Variants in BRMS1L observed in about 807,000 individuals in gnomAD.
BRMS1L encodes the protein BRMS1 like transcriptional repressor, also known as breast cancer metastasis-suppressor 1-like protein.
A neutral mutation model predicts 50.3 loss-of-function variants in BRMS1L; 23 were observed. That is an observed-to-expected ratio of 0.46 (90% CI 0.33 to 0.65). BRMS1L has a LOEUF of 0.65. BRMS1L is among the 30% of genes least tolerant of loss of function. The pLI, the probability that BRMS1L is intolerant of heterozygous loss-of-function variation, is 0.02. For missense variants in BRMS1L, 286 were observed against 386.1 expected (o/e 0.74, Z 2.17); for synonymous variants, 114 against 126.9 (o/e 0.90, Z 0.69).
chr14:35,853,017 TATATAGAGAGAG>T (rs2078233396), intron 4 of BRMS1L, among the ~76,000 whole-genome samples: 1 of 150,416 alleles, frequency 6.6e-6, no homozygotes, highest in African/African-American at 2.5e-5. Flanking sequence ...TATCTATCTA[TATATAGAGAGAG>T]AGACTTATCA....
intron 4 of BRMS1L, among the ~76,000 whole-genome samples, chr14:35,847,778 A>AAG (rs1225695774): frequency 1.3e-5 from 2 of 152,128 alleles, no homozygotes; most frequent in African/African-American, 4.8e-5. Flanking sequence ...TGTGTGTCTG[A>AAG]CTAGTTTATA....
chr14:35,836,573 C>A (rs2077997017), intron 4 of BRMS1L, among the ~76,000 whole-genome samples: 2 of 152,280 alleles, frequency 1.3e-5, no homozygotes, highest in Non-Finnish European at 2.9e-5. Flanking sequence ...AACACCTGGG[C>A]TCAAGCAGTC....
At chr14:35,834,616 C>G (rs1888135) in intron 3 of BRMS1L, among the ~76,000 whole-genome samples, 29,673 of 151,982 alleles carry the variant, frequency 0.2, 3,023 homozygotes, top group East Asian at 0.36. Flanking sequence ...AGATTAAGAA[C>G]AAAAACTAGC....
At position 35,826,380 on chromosome 14, in the gene BRMS1L, G is replaced by A; in HGVS notation, c.-137G>A. ...GCCTGCGGGTTAGGTTGTGAGGCCCGGGCCGGGGGCGGGGAGGAGCCAAGG... is the reference window on the plus strand; with the variant it reads ...GCCTGCGGGTTAGGTTGTGAGGCCCAGGCCGGGGGCGGGGAGGAGCCAAGG... On this transcript the variant is annotated 5_prime_UTR_variant, in exon 1 of 10. Coordinates refer to ENST00000216807, the MANE Select transcript of BRMS1L (RefSeq NM_032352.4). The A allele has an allele frequency of 7.5e-7, 1 of 1,336,718 alleles. No individual in the cohort carries two copies. Among genetic ancestry groups the A allele is most frequent in the Non-Finnish European group, 1.0e-6 (1 of 978,596 alleles). 82.8% of individuals were successfully genotyped at this position (1,336,718 alleles called of 1,614,324 possible). A position where few individuals can be genotyped will look rare whatever the true frequency, so the allele number is the denominator to read the frequency against.
rs914383975 is a variant in BRMS1L at position 35,863,788 on chromosome 14, A to G, written c.539-82A>G. ...TTTTTACGTTTTTACATGTAACTAA[A>G]TAGCCACCATAAAATTAGAGTCTTT... On this transcript the variant is annotated intron_variant, in intron 5 of 9. Coordinates refer to ENST00000216807, the MANE Select transcript of BRMS1L (RefSeq NM_032352.4). The G allele has an allele frequency of 7.9e-6, 10 of 1,259,850 alleles. No homozygotes were observed. In the African/African-American group the frequency reaches 1.5e-4, roughly 19 times the overall value. 78.0% of individuals were successfully genotyped at this position (1,259,850 alleles called of 1,614,324 possible).
intron 4 of BRMS1L, among the ~76,000 whole-genome samples, chr14:35,858,013 T>TAAA (rs776957122): frequency 1.7e-5 from 2 of 115,958 alleles, no homozygotes; most frequent in Non-Finnish European, 3.7e-5. Flanking sequence ...TCAAGAAAAG[T>TAAA]AAAAAAAAAA....
intron 4 of BRMS1L, among the ~76,000 whole-genome samples, chr14:35,840,475 T>A (rs2078048641): frequency 1.3e-5 from 2 of 151,798 alleles, no homozygotes; most frequent in African/African-American, 4.8e-5. Context: ...TCTAGTAGAA[T>A]TCGGCTGTGA....
intron 5 of BRMS1L, 112 bp downstream of exon 5, chr14:35,862,798 C>A: frequency 2.0e-6 from 1 of 497,146 alleles, no homozygotes; most frequent in Non-Finnish European, 3.2e-6. Context: ...ATGAAATGTC[C>A]CAGCAAAGGA....
intron 2 of BRMS1L, among the ~76,000 whole-genome samples, chr14:35,832,160 A>T: frequency 6.6e-6 from 1 of 152,030 alleles, no homozygotes; most frequent in East Asian, 1.9e-4. Flanking sequence ...AGGTCATAAA[A>T]ACATTGGTTT....
intron 4 of BRMS1L, among the ~76,000 whole-genome samples, chr14:35,850,704 A>C (rs1045925456): frequency 6.6e-6 from 1 of 152,166 alleles, no homozygotes; most frequent in Non-Finnish European, 1.5e-5. Context: ...CAGCTTTTAC[A>C]TTCAGCTCTT....
At chr14:35,833,239 A>G in intron 3 of BRMS1L, 134 bp downstream of exon 3, 1 of 874,098 alleles carries the variant, frequency 1.1e-6, no homozygotes, top group Non-Finnish European at 1.6e-6. Flanking sequence ...TTTTACTTTT[A>G]GTTAGCCCAC....
chr14:35,845,054 A>T (rs568171712), intron 4 of BRMS1L, among the ~76,000 whole-genome samples: 5 of 151,734 alleles, frequency 3.3e-5, no homozygotes, highest in African/African-American at 4.8e-5. Flanking sequence ...CTAAATAAAA[A>T]TTTTTTTTTG....
chr14:35,870,045 T>A (rs898608608), intron 9 of BRMS1L, among the ~76,000 whole-genome samples: 1 of 151,606 alleles, frequency 6.6e-6, no homozygotes, highest in Admixed American at 6.6e-5. Flanking sequence ...TACATAGCGC[T>A]TTTAGCTCCA....
chr14:35,826,860 G>C, intron 1 of BRMS1L: 1 of 696,634 alleles, frequency 1.4e-6, no homozygotes, highest in Non-Finnish European at 2.2e-6. Flanking sequence ...CGGCGGGGCG[G>C]GGCGGGCCTG....
chr14:35,867,144 A>C (rs2142065385), intron 8 of BRMS1L, among the ~76,000 whole-genome samples: 1 of 152,332 alleles, frequency 6.6e-6, no homozygotes, highest in South Asian at 2.1e-4. Context: ...TTAGGCCCTG[A>C]GAATACAATG....
chr14:35,833,762 G>A (rs2058403589), intron 3 of BRMS1L, among the ~76,000 whole-genome samples: 1 of 152,094 alleles, frequency 6.6e-6, no homozygotes, highest in Non-Finnish European at 1.5e-5. Context: ...TTAATTAGTG[G>A]AGATGCTGGT....
rs7141280 is a variant in BRMS1L at position 35,832,891 on chromosome 14, A to G, written c.234-87A>G. On this transcript the variant is annotated intron_variant, in intron 2 of 9. Transcript: ENST00000216807. ...GATAGATTATTAGAATATAAATGAT[A>G]TTGGGAACAAATAATGTATAGAAAT... 5,718 of 1,175,670 alleles carry G rather than the reference A, an allele frequency of 4.9e-3. 195 individuals are homozygous for G. The African/African-American group carries it at 0.076, about 16-fold the overall frequency. 72.8% of individuals were successfully genotyped at this position (1,175,670 alleles called of 1,614,324 possible). A position where few individuals can be genotyped will look rare whatever the true frequency, so the allele number is the denominator to read the frequency against.
intron 4 of BRMS1L, among the ~76,000 whole-genome samples, chr14:35,861,083 G>A (rs2078344992): frequency 6.6e-6 from 1 of 152,186 alleles, no homozygotes. Flanking sequence ...AGAAGCTGGA[G>A]AAAAGGGAGA....
intron 7 of BRMS1L, among the ~76,000 whole-genome samples, chr14:35,865,370 C>T (rs560575347): frequency 3.8e-4 from 58 of 152,114 alleles, no homozygotes; most frequent in African/African-American, 1.3e-3. Flanking sequence ...ACATTTGAAC[C>T]CTTATGTGTC....
Sources: gnomAD v4.1 joint callset for allele counts (sites outside exome capture counted in the v4.1 genomes callset) on GRCh38, gnomAD v4.1.1 for gene constraint, MANE v1.5 for transcripts, NCBI Gene and HGNC (gene_info 2026-07-23, HGNC 2026-07-21) for gene names.